TMEM120B: variants seen among roughly 807,000 people sequenced by gnomAD.
The protein encoded by TMEM120B is transmembrane protein 120B.
In TMEM120B, 31 loss-of-function variants were observed where a neutral mutation model predicts 55.5. The ratio of observed to expected loss-of-function variants is 0.56; its 90% CI spans 0.42 to 0.75. The LOEUF (loss-of-function observed/expected upper bound fraction) is 0.75. Among genes scored for constraint, TMEM120B ranks in the 30% least tolerant of loss-of-function variants. The pLI is 0.00. For synonymous variants in TMEM120B, 203 were observed against 176.3 expected, an observed-to-expected ratio of 1.15 and a Z score of -1.20; for missense variants, 399 against 425.5, an observed-to-expected ratio of 0.94 and a Z score of 0.55.
chr12:121,775,873 C>G lies in TMEM120B; in HGVS notation c.*151C>G, dbSNP rs1874228391. On this transcript the variant is annotated 3_prime_UTR_variant, in exon 12 of 12. Coordinates refer to ENST00000449592, the MANE Select transcript of TMEM120B (RefSeq NM_001080825.2). This position sits in a 1 kb window ranked among gnomAD's most constrained non-coding sequence, Gnocchi z 4.3. Reference sequence around the variant, plus strand: ...CCCCAGTGGTCTAGAGGAATGTGAGCCCCGCCTGTCCGCACAGTGTCCGCC... The same window carrying G: ...CCCCAGTGGTCTAGAGGAATGTGAGGCCCGCCTGTCCGCACAGTGTCCGCC... The G allele has an allele frequency of 1.3e-6, 1 of 779,650 alleles. No individual in the cohort carries two copies. Among genetic ancestry groups the G allele is most frequent in the Non-Finnish European group, 2.2e-6 (1 of 464,854 alleles). 48.3% of individuals were successfully genotyped at this position (779,650 alleles called of 1,614,324 possible).
At chr12:121,739,927 C>T (rs528800157) in intron 1 of TMEM120B, among the ~76,000 whole-genome samples, 28 of 151,520 alleles carry the variant, frequency 1.8e-4, no homozygotes, top group African/African-American at 5.8e-4. Flanking sequence ...TACAGGTGCC[C>T]GCCACCATGC....
chr12:121,732,206 G>A (rs903629682), intron 1 of TMEM120B, among the ~76,000 whole-genome samples: 1 of 152,246 alleles, frequency 6.6e-6, no homozygotes, highest in African/African-American at 2.4e-5. Context: ...CCCACTGCTT[G>A]TGAGGCTGGC....
rs1312602497 is a variant in TMEM120B, at chr12:121,777,115, C to T, written c.*1393C>T. ...GGACTACAGGCGCGTGCCACCATGC[C>T]TGGCTTTTGTTTTGTTTTGTTTTGT... On this transcript the variant is annotated 3_prime_UTR_variant, in exon 12 of 12. Transcript: ENST00000449592. The T allele has an allele frequency of 6.6e-6, 1 of 152,148 alleles. No homozygotes were observed. Among genetic ancestry groups the T allele is most frequent in the African/African-American group, 2.4e-5 (1 of 41,386 alleles). 9.4% of individuals were successfully genotyped at this position (152,148 alleles called of 1,614,324 possible).
chr12:121,770,081 TG>T (rs921143700), intron 6 of TMEM120B, among the ~76,000 whole-genome samples: 49 of 152,134 alleles, frequency 3.2e-4, no homozygotes, highest in African/African-American at 1.2e-3. Context: ...CCAAAGGCCC[TG>T]GGTGAGCCCG....
At chr12:121,724,767 C>T (rs371341873) in intron 1 of TMEM120B, among the ~76,000 whole-genome samples, 1 of 151,994 alleles carries the variant, frequency 6.6e-6, no homozygotes, top group Non-Finnish European at 1.5e-5. Context: ...CCCGCCACCA[C>T]ACCCGGCTAA....
intron 4 of TMEM120B, among the ~76,000 whole-genome samples, chr12:121,750,716 A>ACAC: frequency 9.0e-6 from 1 of 111,080 alleles, no homozygotes; most frequent in Non-Finnish European, 1.8e-5. Flanking sequence ...CCAACACCCC[A>ACAC]CCCACACCCT....
intron 1 of TMEM120B, among the ~76,000 whole-genome samples, chr12:121,717,396 T>C (rs973345367): frequency 2.0e-5 from 3 of 152,128 alleles, no homozygotes; most frequent in African/African-American, 7.2e-5. Flanking sequence ...GTGTATAGAA[T>C]AGACATCAGG....
intron 4 of TMEM120B, among the ~76,000 whole-genome samples, chr12:121,750,852 ATACC>A: frequency 1.2e-5 from 1 of 85,096 alleles, no homozygotes; most frequent in Non-Finnish European, 2.3e-5. Flanking sequence ...TCCACACCCC[ATACC>A]CACACCCCAC....
At position 121,781,567 on chromosome 12, in the gene TMEM120B, T is replaced by C. The variant is rs1874459074; in HGVS notation, c.*5845T>C. 1 of 229,132 alleles carries C rather than the reference T, an allele frequency of 4.4e-6. No homozygotes were observed. The highest frequency in any genetic ancestry group is 2.3e-5 in the African/African-American group (1 of 44,068). 14.2% of individuals were successfully genotyped at this position (229,132 alleles called of 1,614,324 possible). On this transcript the variant is annotated 3_prime_UTR_variant, in exon 12 of 12. Coordinates refer to ENST00000449592, the MANE Select transcript of TMEM120B (RefSeq NM_001080825.2). ...ACGCAGTGCTGAGAGCTTGGCCTGA[T>C]TCTAGGGCTGGGGCTGGAGAAACTG...
chr12:121,773,581 G>A (rs1192814333), intron 9 of TMEM120B, 68 bp downstream of exon 9: 8 of 1,263,522 alleles, frequency 6.3e-6, no homozygotes, highest in Non-Finnish European at 1.1e-6. Flanking sequence ...CACCGGGAGT[G>A]CAGCCCTGCG....
intron 1 of TMEM120B, among the ~76,000 whole-genome samples, chr12:121,732,148 A>C (rs1895014846): frequency 6.6e-6 from 1 of 152,228 alleles, no homozygotes; most frequent in African/African-American, 2.4e-5. Flanking sequence ...AAAGGAAAGA[A>C]AGAGTCTGGA....
intron 1 of TMEM120B, among the ~76,000 whole-genome samples, chr12:121,714,613 G>A (rs1426823899): frequency 7.2e-6 from 1 of 139,186 alleles, no homozygotes; most frequent in Non-Finnish European, 1.5e-5. Context: ...CCAGACTTGA[G>A]TGCAGTGGCA....
At chr12:121,769,399 G>A (rs1269532656) in intron 6 of TMEM120B, among the ~76,000 whole-genome samples, 5 of 152,190 alleles carry the variant, frequency 3.3e-5, no homozygotes, top group African/African-American at 4.8e-5. Flanking sequence ...CAATGTCATA[G>A]CTGCAGTCCT....
intron 9 of TMEM120B, among the ~76,000 whole-genome samples, chr12:121,774,020 A>T (rs1874154255): frequency 7.3e-6 from 1 of 136,530 alleles, no homozygotes; most frequent in Non-Finnish European, 1.5e-5. Context: ...CAGTGGCACG[A>T]TCTCTATTCA....
intron 1 of TMEM120B, among the ~76,000 whole-genome samples, chr12:121,737,409 G>A (rs377175263): frequency 6.6e-6 from 1 of 152,116 alleles, no homozygotes; most frequent in African/African-American, 2.4e-5. Context: ...GGAGGCTGAG[G>A]CAGGAGAATC....
chr12:121,713,671 G>A (rs1894642966), intron 1 of TMEM120B, among the ~76,000 whole-genome samples: 1 of 152,126 alleles, frequency 6.6e-6, no homozygotes, highest in South Asian at 2.1e-4. Flanking sequence ...TGAGAGAATG[G>A]CATTGCTGCT....
intron 8 of TMEM120B, 24 bp from the exon 9 acceptor site, chr12:121,773,397 C>G: frequency 6.3e-7 from 1 of 1,594,814 alleles, no homozygotes; most frequent in Non-Finnish European, 8.6e-7. Context: ...GGCCCTGAGC[C>G]CAGGTGCTGT....
chr12:121,769,858 A>G (rs1873978081), intron 6 of TMEM120B, among the ~76,000 whole-genome samples: 1 of 152,024 alleles, frequency 6.6e-6, no homozygotes, highest in African/African-American at 2.4e-5. Flanking sequence ...GGGGTGGGAG[A>G]GGGGGCAGAT....
rs182804710 is a variant in TMEM120B at position 121,750,080 on chromosome 12, C to T, written c.306-300C>T. 6.0e-4 allele frequency among the ~76,000 whole-genome samples: 91 copies of T among 151,988 alleles called. 2 individuals are homozygous for T. Among genetic ancestry groups the T allele is most frequent in the African/African-American group, 2.1e-3 (86 of 41,396 alleles). The stretch of plus-strand genomic sequence containing the variant: ...GACCTAGAGGTTGTACCTTTGCCTC[C>T]ACCTCATTGGCTATGCTTAGTCACC... On this transcript the variant is annotated intron_variant, in intron 3 of 11. Transcript: ENST00000449592.
Sources: gnomAD v4.1 joint callset for allele counts (sites outside exome capture counted in the v4.1 genomes callset) on GRCh38, gnomAD v4.1.1 for gene constraint, Gnocchi (gnomAD v3.1) non-coding constraint, MANE v1.5 for transcripts, NCBI Gene and HGNC (gene_info 2026-07-23, HGNC 2026-07-21) for gene names.